The following RBMS3 variants were observed in gnomAD, a reference collection of about 807,000 sequenced individuals.
RBMS3 encodes the protein RNA-binding motif, single-stranded-interacting protein 3.
In RBMS3, 27 loss-of-function variants were observed where a neutral mutation model predicts 66.8. That is an observed-to-expected ratio of 0.40 (90% confidence interval 0.30 to 0.56). The LOEUF is 0.56. Among genes scored for constraint, RBMS3 ranks in the 20% least tolerant of loss-of-function variants. The pLI is 0.40. For synonymous variants in RBMS3, 188 were observed against 183.0 expected, an observed-to-expected ratio of 1.03 and a Z score of -0.22; for missense variants, 513 against 549.5, an observed-to-expected ratio of 0.93 and a Z score of 0.66.
At chr3:29,715,925 C>A (rs2053373696) in intron 4 of RBMS3, among the ~76,000 whole-genome samples, 1 of 151,984 alleles carries the variant, frequency 6.6e-6, no homozygotes, top group South Asian at 2.1e-4. Context: ...CCTTTGATGC[C>A]TTTTCATGTT....
At chr3:29,592,632 A>G (rs1001241703) in intron 4 of RBMS3, among the ~76,000 whole-genome samples, 1 of 152,156 alleles carries the variant, frequency 6.6e-6, no homozygotes, top group Non-Finnish European at 1.5e-5. Flanking sequence ...TAGAAATACC[A>G]TTTGACCCAG....
intron 1 of RBMS3, among the ~76,000 whole-genome samples, chr3:29,387,479 T>G (rs1245242226): frequency 6.6e-6 from 1 of 152,232 alleles, no homozygotes; most frequent in Non-Finnish European, 1.5e-5. Flanking sequence ...TTTCCGTCTC[T>G]GTAATCCTGG....
chr3:29,470,306 CTA>C (rs1322286283), intron 2 of RBMS3, among the ~76,000 whole-genome samples: 1 of 151,884 alleles, frequency 6.6e-6, no homozygotes, highest in East Asian at 1.9e-4. Flanking sequence ...AATTGAAATT[CTA>C]TAGTTTCAAA....
intron 3 of RBMS3, among the ~76,000 whole-genome samples, chr3:29,529,014 G>T (rs2045247894): frequency 6.6e-6 from 1 of 152,160 alleles, no homozygotes; most frequent in Non-Finnish European, 1.5e-5. Flanking sequence ...AAAGTGCTGG[G>T]ATTACAGGCA....
At chr3:29,649,367 A>G (rs539693242) in intron 4 of RBMS3, among the ~76,000 whole-genome samples, 1 of 152,290 alleles carries the variant, frequency 6.6e-6, no homozygotes, top group East Asian at 1.9e-4. Flanking sequence ...TTATCATCAC[A>G]TTTCAGGCTG....
At chr3:29,954,856 T>C (rs1695921269) in intron 12 of RBMS3, among the ~76,000 whole-genome samples, 1 of 152,036 alleles carries the variant, frequency 6.6e-6, no homozygotes, top group Non-Finnish European at 1.5e-5. Context: ...CATTCTTGAA[T>C]AAATTTTGAG....
intron 6 of RBMS3, among the ~76,000 whole-genome samples, chr3:29,789,850 T>C (rs1391350567): frequency 6.6e-6 from 1 of 152,208 alleles, no homozygotes; most frequent in Non-Finnish European, 1.5e-5. Flanking sequence ...CTTTGAATGC[T>C]TGTGACCAAA....
At chr3:29,357,132 T>A (rs1246011122) in intron 1 of RBMS3, among the ~76,000 whole-genome samples, 1 of 152,082 alleles carries the variant, frequency 6.6e-6, no homozygotes, top group Non-Finnish European at 1.5e-5. Flanking sequence ...ATGTGACATG[T>A]TGGTGTGCTG....
intron 6 of RBMS3, among the ~76,000 whole-genome samples, chr3:29,856,232 A>C (rs1015818584): frequency 3.9e-5 from 6 of 152,218 alleles, no homozygotes; most frequent in Admixed American, 2.0e-4. Flanking sequence ...AGGGTGAATA[A>C]ATAAGTTGAA....
chr3:29,505,519 G>GTTTTTTTTTTTTT (rs60178915), intron 3 of RBMS3, among the ~76,000 whole-genome samples: 1 of 143,000 alleles, frequency 7.0e-6, no homozygotes, highest in African/African-American at 2.6e-5. Context: ...TTTTTTTTTT[G>GTTTTTTTTTTTTT]TTGTTTGTTT....
At chr3:29,319,456 G>T (rs2034882152) in intron 1 of RBMS3, among the ~76,000 whole-genome samples, 1 of 151,904 alleles carries the variant, frequency 6.6e-6, no homozygotes, top group African/African-American at 2.4e-5. Flanking sequence ...CCCTTTATCT[G>T]TACTGGTTTG....
chr3:29,581,754 G>A (rs2047336864), intron 3 of RBMS3, among the ~76,000 whole-genome samples: 1 of 152,168 alleles, frequency 6.6e-6, no homozygotes, highest in Admixed American at 6.5e-5. Context: ...ATTCTGAAGA[G>A]GTGGAACAAT....
chr3:29,464,767 T>A (rs2042481568), intron 2 of RBMS3, among the ~76,000 whole-genome samples: 1 of 152,168 alleles, frequency 6.6e-6, no homozygotes, highest in African/African-American at 2.4e-5. Context: ...CTTTCAGACT[T>A]GTCCTCCTCT....
intron 6 of RBMS3, among the ~76,000 whole-genome samples, chr3:29,824,326 G>A (rs543899761): frequency 6.6e-6 from 1 of 151,972 alleles, no homozygotes; most frequent in Non-Finnish European, 1.5e-5. Context: ...GAGAAAGTGG[G>A]CCTCATCAGA....
intron 10 of RBMS3, among the ~76,000 whole-genome samples, chr3:29,913,983 G>A (rs1409216165): frequency 6.6e-6 from 1 of 151,886 alleles, no homozygotes; most frequent in Non-Finnish European, 1.5e-5. Context: ...TACATGGCAT[G>A]AACTGATGAA....
chr3:29,950,064 A>T (rs2149713494), intron 12 of RBMS3, among the ~76,000 whole-genome samples: 1 of 151,910 alleles, frequency 6.6e-6, no homozygotes, highest in Non-Finnish European at 1.5e-5. Context: ...CCCCTGGGTA[A>T]CTGCTTCCCT....
At chr3:29,997,461 A>G (rs1179042776) in intron 14 of RBMS3, among the ~76,000 whole-genome samples, 1 of 148,736 alleles carries the variant, frequency 6.7e-6, no homozygotes, top group African/African-American at 2.5e-5. Flanking sequence ...CAGAGACACA[A>G]CAAAAAAAGA....
At chr3:29,400,504 T>C (rs2039758235) in intron 1 of RBMS3, among the ~76,000 whole-genome samples, 5 of 151,950 alleles carry the variant, frequency 3.3e-5, no homozygotes, top group Admixed American at 1.3e-4. Flanking sequence ...ATGGTGGTAG[T>C]GATTGTGCAA....
chr3:29,599,693 G>T, intron 4 of RBMS3, among the ~76,000 whole-genome samples: 1 of 152,152 alleles, frequency 6.6e-6, no homozygotes, highest in South Asian at 2.1e-4. Flanking sequence ...TAGCAGGGAG[G>T]CTTGGTTAAC....
Sources: gnomAD v4.1 joint callset for allele counts (sites outside exome capture counted in the v4.1 genomes callset) on GRCh38, gnomAD v4.1.1 for gene constraint, MANE v1.5 for transcripts, NCBI Gene and HGNC (gene_info 2026-07-23, HGNC 2026-07-21) for gene names.